SDK1: variants seen among roughly 807,000 people sequenced by gnomAD.
SDK1 encodes sidekick cell adhesion molecule 1.
A neutral mutation model predicts 245.5 loss-of-function variants in SDK1; 157 were observed. That is an observed-to-expected ratio of 0.64 (90% CI 0.56 to 0.73). SDK1 has a LOEUF of 0.73. Ranked by LOEUF, SDK1 falls within the 30% of genes least tolerant of loss-of-function variation. The pLI, the probability that SDK1 is intolerant of heterozygous loss-of-function variation, is 0.00. For synonymous variants in SDK1, 1,647 were observed against 1,278.5 expected (o/e 1.29, Z -6.15); for missense variants, 3,583 against 3,002.3 (o/e 1.19, Z -4.52).
At chr7:3,955,551 T>G (rs1167046461) in intron 7 of SDK1, among the ~76,000 whole-genome samples, 1 of 152,208 alleles carries the variant, frequency 6.6e-6, no homozygotes, top group African/African-American at 2.4e-5. Context: ...GGAGCCGTTC[T>G]GTCCACCTCG....
intron 33 of SDK1, among the ~76,000 whole-genome samples, chr7:4,175,076 C>T (rs1250905748): frequency 1.4e-5 from 2 of 147,740 alleles, no homozygotes; most frequent in Admixed American, 1.3e-4. Context: ...ACCAGGGCTG[C>T]CTACCTCACG....
At position 3,987,073 on chromosome 7, in the gene SDK1, T is replaced by A. The variant is rs528665378; in HGVS notation, c.1995-113T>A. ...TATTTGTGTTTGGGCATATTTTATG[T>A]TATTCATTTCCCAAACATGACACAG... On this transcript the variant is annotated intron_variant, in intron 13 of 44. Transcript: ENST00000404826. 2.0e-5 allele frequency: 20 copies of A among 1,015,644 alleles called. No homozygotes were observed. The African/African-American group carries it at 3.1e-4, about 16-fold the overall frequency. The allele number at this position is 1,015,644 out of a possible 1,614,324, so 62.9% of individuals were successfully genotyped here.
chr7:4,183,448 A>G (rs893979457), intron 35 of SDK1, among the ~76,000 whole-genome samples: 2 of 152,150 alleles, frequency 1.3e-5, no homozygotes, highest in African/African-American at 4.8e-5. Flanking sequence ...AGCCTGGCCA[A>G]CATGGTGAAA....
intron 1 of SDK1, among the ~76,000 whole-genome samples, chr7:3,570,266 C>T (rs1289300366): frequency 6.6e-6 from 1 of 152,208 alleles, no homozygotes; most frequent in African/African-American, 2.4e-5. Context: ...TTCAGATCAT[C>T]AGGCATTAGT....
intron 44 of SDK1, among the ~76,000 whole-genome samples, chr7:4,261,716 C>T (rs1262667690): frequency 6.6e-6 from 1 of 152,212 alleles, no homozygotes; most frequent in Non-Finnish European, 1.5e-5. Context: ...TTCAAGGCCG[C>T]TCACTCTTTT....
rs899233479 is a variant in SDK1, at chr7:3,301,535, G to A, written c.-52G>A. ...GCGCCCGCTCGGAGCCGTCCCGCCT[G>A]TCCTGCCCGCCCGTCCGTCCGGCGC... On this transcript the variant is annotated 5_prime_UTR_variant, in exon 1 of 45. Coordinates refer to ENST00000404826, the MANE Select transcript of SDK1 (RefSeq NM_152744.4). 6.8e-5 allele frequency: 46 copies of A among 680,452 alleles called. No homozygotes were observed. The highest frequency in any genetic ancestry group is 8.3e-5 in the Non-Finnish European group (46 of 555,188). 42.2% of individuals were successfully genotyped at this position (680,452 alleles called of 1,614,324 possible). A position where few individuals can be genotyped will look rare whatever the true frequency, so the allele number is the denominator to read the frequency against.
intron 1 of SDK1, among the ~76,000 whole-genome samples, chr7:3,441,192 C>G (rs999457328): frequency 1.3e-5 from 2 of 152,036 alleles, no homozygotes; most frequent in Admixed American, 1.3e-4. Context: ...TATTTTATTA[C>G]TAGTTATTGT....
chr7:4,066,240 A>T (rs1031827704), intron 19 of SDK1, among the ~76,000 whole-genome samples: 7 of 151,700 alleles, frequency 4.6e-5, no homozygotes, highest in African/African-American at 1.5e-4. Context: ...GGGTATCTGG[A>T]GGGGTAGGCA....
chr7:3,615,651 CAG>C (rs1349794650), intron 1 of SDK1, among the ~76,000 whole-genome samples: 1 of 151,722 alleles, frequency 6.6e-6, no homozygotes, highest in East Asian at 1.9e-4. Flanking sequence ...TTGTACAAGT[CAG>C]AGACATAAGA....
At chr7:3,550,393 G>A (rs189330370) in intron 1 of SDK1, among the ~76,000 whole-genome samples, 1 of 152,300 alleles carries the variant, frequency 6.6e-6, no homozygotes, top group East Asian at 1.9e-4. Context: ...TGTGGCACGA[G>A]TAAGAACTAT....
intron 19 of SDK1, among the ~76,000 whole-genome samples, chr7:4,064,820 T>A (rs1256809343): frequency 6.6e-6 from 1 of 152,070 alleles, no homozygotes; most frequent in African/African-American, 2.4e-5. Context: ...ATATCACAAG[T>A]TCTCACTCAT....
chr7:4,168,093 C>T (rs922899652), intron 32 of SDK1, among the ~76,000 whole-genome samples: 13 of 152,318 alleles, frequency 8.5e-5, no homozygotes, highest in Non-Finnish European at 1.5e-4. Context: ...CAGGCCCGGG[C>T]ATCTCTGTGA....
rs541649681 is a variant in SDK1, at chr7:3,652,497, C to T, written c.713+10392C>T. ...CGGAGCCAGAATATGCGCACGGATG[C>T]ATGTGGTTTGGTAAACGTGCTTGTG... On this transcript the variant is annotated intron_variant, in intron 4 of 44. Coordinates refer to ENST00000404826, the MANE Select transcript of SDK1 (RefSeq NM_152744.4). Among the ~76,000 whole-genome samples the T allele has an allele frequency of 5.3e-5, 8 of 152,284 alleles. No homozygotes were observed. In the South Asian group the frequency reaches 1.7e-3, roughly 32 times the overall value.
chr7:3,521,290 A>G (rs1299650830), intron 1 of SDK1, among the ~76,000 whole-genome samples: 1 of 152,328 alleles, frequency 6.6e-6, no homozygotes, highest in Admixed American at 6.5e-5. Context: ...GGGGCCAGCC[A>G]AGTAATCCAG....
chr7:3,787,858 T>C (rs1384495927), intron 4 of SDK1, among the ~76,000 whole-genome samples: 4 of 152,338 alleles, frequency 2.6e-5, no homozygotes, highest in South Asian at 2.1e-4. Flanking sequence ...CGTGGTTTCA[T>C]TGGGGCCCTT....
intron 17 of SDK1, among the ~76,000 whole-genome samples, chr7:4,030,149 C>A (rs1393794828): frequency 6.6e-6 from 1 of 152,212 alleles, no homozygotes; most frequent in Non-Finnish European, 1.5e-5. Context: ...CAGGAAAATT[C>A]AGGCCCCTCT....
chr7:3,485,020 G>A (rs1238953200), intron 1 of SDK1, among the ~76,000 whole-genome samples: 1 of 152,118 alleles, frequency 6.6e-6, no homozygotes, highest in Non-Finnish European at 1.5e-5. Context: ...TATATACCCA[G>A]CAGCGGAATT....
chr7:3,480,148 G>A (rs184882751), intron 1 of SDK1, among the ~76,000 whole-genome samples: 180 of 152,294 alleles, frequency 1.2e-3, no homozygotes, highest in Non-Finnish European at 2.0e-3. Context: ...GATTATCCAG[G>A]TGGGTCCAGT....
intron 14 of SDK1, among the ~76,000 whole-genome samples, chr7:3,995,924 A>AG (rs1278713492): frequency 3.3e-5 from 5 of 151,998 alleles, no homozygotes; most frequent in Admixed American, 6.5e-5. Flanking sequence ...ACTTTTACGT[A>AG]GTTAAATCTA....
Sources: gnomAD v4.1 joint callset for allele counts (sites outside exome capture counted in the v4.1 genomes callset) on GRCh38, gnomAD v4.1.1 for gene constraint, MANE v1.5 for transcripts, NCBI Gene and HGNC (gene_info 2026-07-23, HGNC 2026-07-21) for gene names.